Variants in EFR3B observed in about 807,000 individuals in gnomAD.
The protein encoded by EFR3B is EFR3 homolog B.
A neutral mutation model predicts 104.7 loss-of-function variants in EFR3B; 64 were observed. That is an observed-to-expected ratio of 0.61 (90% confidence interval 0.50 to 0.75). The LOEUF (loss-of-function observed/expected upper bound fraction) is 0.75. Ranked by LOEUF, EFR3B falls within the 30% of genes least tolerant of loss-of-function variation. The pLI is 0.00. For synonymous variants in EFR3B, 385 were observed against 417.9 expected (o/e 0.92, Z 0.96); for missense variants, 750 against 1,078.5 (o/e 0.70, Z 4.27).
At chr2:25,134,487 T>C (rs1670467895) in intron 12 of EFR3B, among the ~76,000 whole-genome samples, 2 of 152,218 alleles carry the variant, frequency 1.3e-5, no homozygotes, top group Admixed American at 6.5e-5. Flanking sequence ...ATAATTCATG[T>C]ACAACCAGAT....
Position 25,042,164 on chromosome 2 carries a change from G to C in EFR3B, c.-149G>C. ...GCCCGGCTCCGTCCTGCCCGCGGCC[G>C]GCCCCCGCGTCTGCTCCCTCCCCGC... On this transcript the variant is annotated 5_prime_UTR_variant, in exon 1 of 23. Coordinates refer to ENST00000403714, the MANE Select transcript of EFR3B (RefSeq NM_014971.2). The surrounding 1 kb of genome is among the most constrained non-coding windows in gnomAD (Gnocchi z 5.4). 8.0e-6 allele frequency: 6 copies of C among 746,764 alleles called. No individual in the cohort carries two copies. The highest frequency in any genetic ancestry group is 1.1e-5 in the Non-Finnish European group (6 of 557,488). The allele number at this position is 746,764 out of a possible 1,614,324, so 46.3% of individuals were successfully genotyped here.
At chr2:25,134,201 T>C (rs2164809) in intron 12 of EFR3B, among the ~76,000 whole-genome samples, 132,708 of 150,244 alleles carry the variant, frequency 0.88, 58,699 homozygotes, top group East Asian at 1. Flanking sequence ...TTTTTTGAGA[T>C]GGAGTTTCGC....
chr2:25,124,412 G>C (rs1670107171), intron 5 of EFR3B, among the ~76,000 whole-genome samples: 1 of 151,242 alleles, frequency 6.6e-6, no homozygotes, highest in Non-Finnish European at 1.5e-5. Context: ...GTCATGGGTA[G>C]ATCTCCACTG....
chr2:25,091,232 C>T (rs1669104581), intron 1 of EFR3B, 93 bp from the exon 2 acceptor site: 1 of 1,216,102 alleles, frequency 8.2e-7, no homozygotes, highest in African/African-American at 1.5e-5. Flanking sequence ...CTGTCTGTTT[C>T]CTGCCACTCA....
intron 4 of EFR3B, among the ~76,000 whole-genome samples, chr2:25,118,635 A>C (rs935618856): frequency 1.3e-5 from 2 of 150,974 alleles, no homozygotes; most frequent in African/African-American, 4.9e-5. Context: ...AGCGTATGTC[A>C]AAAACAGCAA....
intron 4 of EFR3B, among the ~76,000 whole-genome samples, chr2:25,104,425 C>T (rs1669508266): frequency 6.6e-6 from 1 of 152,158 alleles, no homozygotes; most frequent in Non-Finnish European, 1.5e-5. Context: ...GTTGTGCAAC[C>T]ATTAACACCA....
intron 4 of EFR3B, among the ~76,000 whole-genome samples, chr2:25,104,763 G>A (rs1669518494): frequency 6.6e-6 from 1 of 152,232 alleles, no homozygotes; most frequent in African/African-American, 2.4e-5. Flanking sequence ...GTGAAGCGTT[G>A]AGCAGGTTAC....
chr2:25,126,606 C>T (rs939523449), intron 5 of EFR3B, among the ~76,000 whole-genome samples: 1 of 152,022 alleles, frequency 6.6e-6, no homozygotes, highest in African/African-American at 2.4e-5. Context: ...GTGATCCACC[C>T]ACCTCGGCCT....
At chr2:25,144,618 T>C (rs79108007) in intron 18 of EFR3B, among the ~76,000 whole-genome samples, 7 of 152,014 alleles carry the variant, frequency 4.6e-5, no homozygotes, top group Non-Finnish European at 1.0e-4. Context: ...TTAATGCAAA[T>C]GCACTTAGTA....
intron 1 of EFR3B, among the ~76,000 whole-genome samples, chr2:25,079,735 AGT>A (rs1396396674): frequency 6.6e-6 from 1 of 152,250 alleles, no homozygotes; most frequent in Non-Finnish European, 1.5e-5. Context: ...TTATACAAAC[AGT>A]GTTCTATAAA....
intron 1 of EFR3B, among the ~76,000 whole-genome samples, chr2:25,090,264 C>T (rs559394269): frequency 2.6e-5 from 4 of 152,146 alleles, no homozygotes; most frequent in Non-Finnish European, 5.9e-5. Flanking sequence ...TCCCTGAAGT[C>T]CTCCTCTCTC....
chr2:25,130,663 A>G lies in EFR3B; in HGVS notation c.849+33A>G, dbSNP rs1670303316. ...GGCTCCCCTGGGCCAGCCGGATCCCAGGACAAAGGCCTCTCTAGAAGCTAG... is the reference window on the plus strand; with the variant it reads ...GGCTCCCCTGGGCCAGCCGGATCCCGGGACAAAGGCCTCTCTAGAAGCTAG... On this transcript the variant is annotated intron_variant, in intron 8 of 22. Coordinates refer to ENST00000403714, the MANE Select transcript of EFR3B (RefSeq NM_014971.2). This position sits in a 1 kb window ranked among gnomAD's most constrained non-coding sequence, Gnocchi z 4.6. The G allele has an allele frequency of 1.3e-6, 2 of 1,526,094 alleles. No individual in the cohort carries two copies. Among genetic ancestry groups the G allele is most frequent in the Non-Finnish European group, 1.8e-6 (2 of 1,123,740 alleles). 94.5% of individuals were successfully genotyped at this position (1,526,094 alleles called of 1,614,324 possible).
rs200029729 is a variant in EFR3B, at chr2:25,154,171, C to T, written c.2349-64C>T. The T allele has an allele frequency of 3.5e-4, 509 of 1,460,884 alleles. 4 individuals are homozygous for T. The highest frequency in any genetic ancestry group is 8.0e-5 in the Admixed American group (4 of 49,998). The allele number at this position is 1,460,884 out of a possible 1,614,324, so 90.5% of individuals were successfully genotyped here. ...CCAAGTCACCTACTCTGTTTGGTTG[C>T]ACAAGGGTGGGATCCTAAAATTCTC... On this transcript the variant is annotated intron_variant, in intron 22 of 22. Coordinates refer to ENST00000403714, the MANE Select transcript of EFR3B (RefSeq NM_014971.2). This position sits in a 1 kb window ranked among gnomAD's most constrained non-coding sequence, Gnocchi z 4.1.
chr2:25,099,560 G>A (rs976903070), intron 3 of EFR3B, among the ~76,000 whole-genome samples: 2 of 151,470 alleles, frequency 1.3e-5, no homozygotes, highest in African/African-American at 4.9e-5. Flanking sequence ...TTTTATAAAA[G>A]TGGAAAAGAA....
rs1667999920 is a variant in EFR3B, at chr2:25,055,773, C to T, written c.7+13454C>T. On this transcript the variant is annotated intron_variant, in intron 1 of 22. Transcript: ENST00000403714. ...CCTAGCACCTTATAGCTGCTCACAG[C>T]GTGTGCAAGGAGGGATGCTTCTAGA... Among the ~76,000 whole-genome samples the T allele has an allele frequency of 7.8e-5, 4 of 51,276 alleles. No individual in the cohort carries two copies. In the South Asian group the frequency reaches 6.5e-3, roughly 83 times the overall value. The allele number at this position is 51,276 out of a possible 152,430, so 33.6% of individuals were successfully genotyped here. A position where few individuals can be genotyped will look rare whatever the true frequency, so the allele number is the denominator to read the frequency against.
Position 25,130,501 on chromosome 2 carries a change from T to C in EFR3B, c.771-51T>C. 2 of 1,456,836 alleles carry C rather than the reference T, an allele frequency of 1.4e-6. No homozygotes were observed. The highest frequency in any genetic ancestry group is 1.9e-6 in the Non-Finnish European group (2 of 1,060,658). 90.2% of individuals were successfully genotyped at this position (1,456,836 alleles called of 1,614,324 possible). On this transcript the variant is annotated intron_variant, in intron 7 of 22. Transcript: ENST00000403714. The surrounding 1 kb of genome is among the most constrained non-coding windows in gnomAD (Gnocchi z 4.6). ...TGCCTCCAAGCTAATCTCTTCTCCC[T>C]AACACTGCCGGGAGTTTCATAGTTG...
At chr2:25,140,274 C>A (rs1670627436) in intron 16 of EFR3B, among the ~76,000 whole-genome samples, 1 of 151,410 alleles carries the variant, frequency 6.6e-6, no homozygotes, top group Non-Finnish European at 1.5e-5. Context: ...ACCACTGCAC[C>A]CCAGCCTGGG....
intron 3 of EFR3B, among the ~76,000 whole-genome samples, chr2:25,093,763 G>C (rs749778597): frequency 1.3e-5 from 2 of 152,114 alleles, no homozygotes; most frequent in Non-Finnish European, 2.9e-5. Context: ...CATCCAACCT[G>C]TCCTGCCTTA....
In EFR3B at chr2:25,145,030, G is replaced by GA; in HGVS notation, c.2123dup (p.Asn708LysfsTer17). ...CCCTGCAGGTGGAGGTAGAATCGAG[G>GA]AACAGTCCGGAGAAGGAGGAGGTGA... On this transcript the variant is annotated frameshift_variant, in exon 19 of 23. Coordinates refer to ENST00000403714, the MANE Select transcript of EFR3B (RefSeq NM_014971.2). LOFTEE classifies it high-confidence loss of function. 1.3e-6 allele frequency: 2 copies of GA among 1,551,738 alleles called. No homozygotes were observed. Among genetic ancestry groups the GA allele is most frequent in the Non-Finnish European group, 1.7e-6 (2 of 1,146,998 alleles).
Sources: allele counts gnomAD v4.1 joint callset (sites outside exome capture counted in the v4.1 genomes callset), GRCh38; gene constraint gnomAD v4.1.1; non-coding constraint Gnocchi (gnomAD v3.1); transcripts MANE v1.5; gene names NCBI Gene and HGNC (gene_info 2026-07-23, HGNC 2026-07-21).